LRP1B: variants seen among roughly 807,000 people sequenced by gnomAD.
LRP1B encodes LDL receptor related protein 1B.
LRP1B carries 217 observed loss-of-function variants against 556.6 expected under a neutral mutation model. That is an observed-to-expected ratio of 0.39 (90% CI 0.35 to 0.44). The LOEUF (loss-of-function observed/expected upper bound fraction) is 0.44, where lower values mean the gene tolerates loss of function less well. LRP1B is among the 20% of genes least tolerant of loss of function. The pLI is 1.00. For missense variants in LRP1B, 5,053 were observed against 5,620.8 expected (o/e 0.90, Z 3.23); for synonymous variants, 2,047 against 1,865.8 (o/e 1.10, Z -2.50).
rs555530087 is a variant in LRP1B at position 141,661,110 on chromosome 2, A to C, written c.205+149169T>G. On this transcript the variant is annotated intron_variant, in intron 2 of 90. Transcript: ENST00000389484. ...GAGGGACCTGACTGTTAAAAGAAAC[A>C]AACAAACAGAAAGCAACAACAACAG... 5.3e-5 allele frequency among the ~76,000 whole-genome samples: 8 copies of C among 152,324 alleles called. No individual in the cohort carries two copies. In the South Asian group the frequency reaches 1.7e-3, roughly 32 times the overall value.
chr2:141,417,844 C>G (rs1679973724), intron 3 of LRP1B, among the ~76,000 whole-genome samples: 1 of 150,490 alleles, frequency 6.6e-6, no homozygotes. Flanking sequence ...GCACACAAGG[C>G]TCTCAATTTC....
intron 29 of LRP1B, among the ~76,000 whole-genome samples, chr2:140,844,022 G>A (rs1692199294): frequency 6.6e-6 from 1 of 151,550 alleles, no homozygotes. Context: ...TCTATGTTGA[G>A]GAGTATGTAT....
intron 2 of LRP1B, among the ~76,000 whole-genome samples, chr2:141,605,962 AC>A (rs1363842827): frequency 1.3e-5 from 2 of 151,012 alleles, no homozygotes; most frequent in Admixed American, 6.6e-5. Flanking sequence ...AAAAAAAAAA[AC>A]ATTGAGCCTA....
intron 1 of LRP1B, among the ~76,000 whole-genome samples, chr2:141,962,488 G>A (rs1253580850): frequency 1.3e-5 from 2 of 151,726 alleles, no homozygotes; most frequent in Non-Finnish European, 2.9e-5. Flanking sequence ...ACATTGCACT[G>A]GATTAGACTG....
chr2:141,798,384 A>G (rs1014900651), intron 2 of LRP1B, among the ~76,000 whole-genome samples: 2 of 152,158 alleles, frequency 1.3e-5, no homozygotes, highest in African/African-American at 2.4e-5. Flanking sequence ...AATCTTTATG[A>G]GATAAGCTGG....
intron 2 of LRP1B, among the ~76,000 whole-genome samples, chr2:141,790,129 C>T (rs1032933651): frequency 2.6e-5 from 4 of 151,938 alleles, no homozygotes; most frequent in African/African-American, 9.6e-5. Context: ...ATCATTACCT[C>T]ATTGTTATTG....
chr2:141,616,306 A>T (rs1688299162), intron 2 of LRP1B, among the ~76,000 whole-genome samples: 1 of 151,942 alleles, frequency 6.6e-6, no homozygotes, highest in African/African-American at 2.4e-5. Flanking sequence ...AAAAAAGAAA[A>T]AAAAGCTATA....
intron 1 of LRP1B, among the ~76,000 whole-genome samples, chr2:142,116,192 C>CAAGA (rs1707267735): frequency 1.5e-5 from 1 of 65,456 alleles, no homozygotes; most frequent in Non-Finnish European, 2.6e-5. Flanking sequence ...GAGTCTGTCT[C>CAAGA]AAAAAAAAAA....
chr2:140,984,021 T>C (rs4954683), intron 17 of LRP1B, among the ~76,000 whole-genome samples: 20,655 of 151,786 alleles, frequency 0.14, 1,429 homozygotes, highest in East Asian at 0.2. Context: ...TCTTAGATAA[T>C]TGTTATAAAA....
At chr2:141,488,410 A>G (rs982352709) in intron 2 of LRP1B, among the ~76,000 whole-genome samples, 3 of 152,078 alleles carry the variant, frequency 2.0e-5, no homozygotes, top group African/African-American at 7.2e-5. Flanking sequence ...CAGAGTTTTG[A>G]TTGTATTTTT....
At chr2:140,269,506 C>G in intron 86 of LRP1B, 1 of 389,532 alleles carries the variant, frequency 2.6e-6, no homozygotes, top group South Asian at 1.9e-5. Flanking sequence ...ATGCGCACTT[C>G]TCTCTCAAAC....
chr2:141,775,581 T>C (rs575507405), intron 2 of LRP1B, among the ~76,000 whole-genome samples: 21 of 152,248 alleles, frequency 1.4e-4, no homozygotes, highest in African/African-American at 5.1e-4. Flanking sequence ...GCCTCACAGA[T>C]TGAAATATAG....
At chr2:141,322,634 C>G (rs187930012) in intron 3 of LRP1B, among the ~76,000 whole-genome samples, 1 of 151,924 alleles carries the variant, frequency 6.6e-6, no homozygotes, top group African/African-American at 2.4e-5. Context: ...TTTCCAATAC[C>G]CTAAATATCA....
At chr2:141,289,141 T>C (rs1685841999) in intron 3 of LRP1B, among the ~76,000 whole-genome samples, 2 of 151,658 alleles carry the variant, frequency 1.3e-5, no homozygotes, top group Admixed American at 6.6e-5. Context: ...TCCCAGAATT[T>C]TGGGAGGCTG....
intron 14 of LRP1B, among the ~76,000 whole-genome samples, chr2:141,006,974 G>T (rs1192236017): frequency 6.6e-6 from 1 of 151,788 alleles, no homozygotes; most frequent in Non-Finnish European, 1.5e-5. Flanking sequence ...ACTTTAAAAA[G>T]AACTCAACAC....
At chr2:141,450,077 G>C (rs1681358575) in intron 3 of LRP1B, among the ~76,000 whole-genome samples, 1 of 152,102 alleles carries the variant, frequency 6.6e-6, no homozygotes, top group Non-Finnish European at 1.5e-5. Flanking sequence ...GTTGAGGAGG[G>C]AAGAAAGGAT....
chr2:141,682,516 C>A (rs1167750120), intron 2 of LRP1B, among the ~76,000 whole-genome samples: 1 of 152,086 alleles, frequency 6.6e-6, no homozygotes, highest in Admixed American at 6.6e-5. Context: ...ATAATATTCC[C>A]TTTACAAAAT....
chr2:140,803,289 T>TC (rs1690584295), intron 32 of LRP1B, among the ~76,000 whole-genome samples: 1 of 143,414 alleles, frequency 7.0e-6, no homozygotes, highest in Non-Finnish European at 1.5e-5. Flanking sequence ...TTTTTTTTTT[T>TC]TCCGAGATGG....
chr2:140,452,869 T>C (rs1348764640), intron 62 of LRP1B, among the ~76,000 whole-genome samples: 2 of 151,726 alleles, frequency 1.3e-5, no homozygotes, highest in East Asian at 1.9e-4. Context: ...CAAGAAGGAA[T>C]AGAGCTCTAT....
Sources: gnomAD v4.1 joint callset for allele counts (sites outside exome capture counted in the v4.1 genomes callset) on GRCh38, gnomAD v4.1.1 for gene constraint, MANE v1.5 for transcripts, NCBI Gene and HGNC (gene_info 2026-07-23, HGNC 2026-07-21) for gene names.